PCDHGB6: variants seen among roughly 807,000 people sequenced by gnomAD.
PCDHGB6 encodes protocadherin gamma subfamily B, 6.
A neutral mutation model predicts 59.1 loss-of-function variants in PCDHGB6; 51 were observed. The observed-to-expected ratio is 0.86, with a 90% CI of 0.69 to 1.09. PCDHGB6 has a LOEUF of 1.09. Ranked by LOEUF, PCDHGB6 falls within the 50% of genes least tolerant of loss-of-function variation. The pLI is 0.00. For missense variants in PCDHGB6, 1,148 were observed against 1,205.1 expected, an observed-to-expected ratio of 0.95 and a Z score of 0.70; for synonymous variants, 466 against 495.1, an observed-to-expected ratio of 0.94 and a Z score of 0.78.
chr5:141,484,958 G>C (rs2099604320), intron 1 of PCDHGB6: 1 of 575,756 alleles, frequency 1.7e-6, no homozygotes, highest in Non-Finnish European at 3.1e-6. Flanking sequence ...TATTGGCTGA[G>C]CCCGGGAGCC....
Position 141,511,072 on chromosome 5 carries a change from A to C in PCDHGB6, c.2692A>C (p.Ser898Arg). The C allele has an allele frequency of 6.2e-7, 1 of 1,614,252 alleles. No individual in the cohort carries two copies. Among genetic ancestry groups the C allele is most frequent in the Non-Finnish European group, 8.5e-7 (1 of 1,180,034 alleles). Residue 898 changes from serine to arginine, a missense_variant, in exon 4 of 4, where the codon AGC (serine) becomes CGC (arginine). Ser to Arg is a moderately radical substitution (Grantham distance 110). This residue lies in a region of PCDHGB6 where 283 missense variants were observed against 318.6 expected (regional missense o/e 0.89). Coordinates refer to ENST00000520790, the MANE Select transcript of PCDHGB6 (RefSeq NM_018926.3). ...CCGCCAGAATGTCTACATCCCAGGC[A>C]GCAATGCCACACTGACCAACGCAGC... ...DYRQNVYIPG[S>R]NATLTNAAGK...
intron 1 of PCDHGB6, chr5:141,414,831 G>C: frequency 4.3e-6 from 7 of 1,614,212 alleles, no homozygotes; most frequent in Non-Finnish European, 5.9e-6. Flanking sequence ...ACGTGTCGTT[G>C]AGCCTGTTTG....
chr5:141,422,744 T>C, intron 1 of PCDHGB6: 1 of 1,610,696 alleles, frequency 6.2e-7, no homozygotes, highest in Non-Finnish European at 8.5e-7. Flanking sequence ...TCCTCCTATG[T>C]CTCTATTAAC....
In PCDHGB6 at chr5:141,482,843, G is replaced by T. The variant is rs1005014887; in HGVS notation, c.2419-11964G>T. On this transcript the variant is annotated intron_variant, in intron 1 of 3. Transcript: ENST00000520790. ...TCCTAGCACTTTGGGAGGCCAAGGT[G>T]GGCAGATCACTTGAGGTCAGGAGTT... Among the ~76,000 whole-genome samples the T allele has an allele frequency of 4.3e-5, 6 of 140,152 alleles. No homozygotes were observed. The South Asian group carries it at 8.6e-4, about 20-fold the overall frequency. 91.9% of individuals were successfully genotyped at this position (140,152 alleles called of 152,430 possible).
rs746968245 is a variant in PCDHGB6, at chr5:141,489,575, A to AC, written c.2419-5227dup. 2 of 1,613,788 alleles carry AC rather than the reference A, an allele frequency of 1.2e-6. No homozygotes were observed. Among genetic ancestry groups the AC allele is most frequent in the Non-Finnish European group, 1.7e-6 (2 of 1,179,960 alleles). On this transcript the variant is annotated intron_variant, in intron 1 of 3. Coordinates refer to ENST00000520790, the MANE Select transcript of PCDHGB6 (RefSeq NM_018926.3). The surrounding 1 kb of genome is among the most constrained non-coding windows in gnomAD (Gnocchi z 4.5). ...CTGCCAGTGCAGGTGGTGACTGAACACCCCCTGGAGCTAATCCGTGTAGAG... is the reference window on the plus strand; with the variant it reads ...CTGCCAGTGCAGGTGGTGACTGAACACCCCCCTGGAGCTAATCCGTGTAGAG...
At position 141,409,906 on chromosome 5, in the gene PCDHGB6, T is replaced by G. The variant is rs779572711; in HGVS notation, c.1704T>G (p.Gly568=). The change falls in exon 1 of 4, where the codon GGT becomes GGG. Residue 568 remains glycine (G), a synonymous_variant. Transcript: ENST00000520790. ...NAPRVLYPAL[G]PDGSAFFDMV... is the part of the protein sequence containing the mutation. ...CGCGGGTGCTGTACCCAGCTCTGGG[T>G]CCTGACGGCTCCGCGTTCTTCGATA... 2 of 1,613,096 alleles carry G rather than the reference T, an allele frequency of 1.2e-6. No homozygotes were observed. Among genetic ancestry groups the G allele is most frequent in the African/African-American group, 2.7e-5 (2 of 74,898 alleles).
At chr5:141,498,338 G>A (rs2237079) in intron 2 of PCDHGB6, among the ~76,000 whole-genome samples, 68,665 of 151,630 alleles carry the variant, frequency 0.45, 15,766 homozygotes, top group Admixed American at 0.55. Flanking sequence ...CATTCCAAAT[G>A]GGAAAAGCCT....
intron 1 of PCDHGB6, among the ~76,000 whole-genome samples, chr5:141,437,339 T>A (rs1008090968): frequency 3.3e-5 from 5 of 152,262 alleles, no homozygotes; most frequent in Non-Finnish European, 7.3e-5. Context: ...GTAGCTTCAC[T>A]GTTTTATAGT....
At chr5:141,472,980 C>CAAAAAAAAAAAAAAAAAAAAAAAA (rs60579131) in intron 1 of PCDHGB6, among the ~76,000 whole-genome samples, 7 of 86,078 alleles carry the variant, frequency 8.1e-5, no homozygotes, top group African/African-American at 1.9e-4. Context: ...GAGTGAAACT[C>CAAAAAAAAAAAAAAAAAAAAAAAA]AAAAAAAAAA....
Position 141,431,826 on chromosome 5 carries a change from TTCCCGAAAACTC to T in PCDHGB6, c.2418+21211_2418+21222del, listed in dbSNP as rs755346532. ...GTCCTCACCTCTCTCGCCAGCTCGGTTCCCGAAAACTCTCCCAGAGGGACATTAATTGCCCTT... is the reference window on the plus strand; with the variant it reads ...GTCCTCACCTCTCTCGCCAGCTCGGTTCCCAGAGGGACATTAATTGCCCTT... On this transcript the variant is annotated intron_variant, in intron 1 of 3. Transcript: ENST00000520790. The surrounding 1 kb of genome is among the most constrained non-coding windows in gnomAD (Gnocchi z 4.8). The T allele has an allele frequency of 4.3e-6, 7 of 1,614,102 alleles. No individual in the cohort carries two copies. Among genetic ancestry groups the T allele is most frequent in the Admixed American group, 1.7e-5 (1 of 60,006 alleles).
rs1596285501 is a variant in PCDHGB6, at chr5:141,510,367, C to A, written c.2567-580C>A. Among the ~76,000 whole-genome samples the A allele has an allele frequency of 5.0e-5, 7 of 140,362 alleles. 1 individual carries two copies. In the South Asian group the frequency reaches 1.6e-3, roughly 31 times the overall value. The allele number at this position is 140,362 out of a possible 152,430, so 92.1% of individuals were successfully genotyped here. A position where few individuals can be genotyped will look rare whatever the true frequency, so the allele number is the denominator to read the frequency against. On this transcript the variant is annotated intron_variant, in intron 3 of 3. Transcript: ENST00000520790. ...ACACTTACTAACGGAACTACCGAAT[C>A]TCTACTCGTGCCAGGCCTTGCTTGG...
Position 141,431,010 on chromosome 5 carries a change from T to G in PCDHGB6, c.2418+20390T>G. 2 of 1,613,972 alleles carry G rather than the reference T, an allele frequency of 1.2e-6. No individual in the cohort carries two copies. The highest frequency in any genetic ancestry group is 1.7e-6 in the Non-Finnish European group (2 of 1,179,964). The stretch of plus-strand genomic sequence containing the variant: ...GCCCTGAATCCGCGCAGCGGCAGCT[T>G]GGTCACGGCGGGCAGGATAGACCGG... On this transcript the variant is annotated intron_variant, in intron 1 of 3. Transcript: ENST00000520790. The surrounding 1 kb of genome is among the most constrained non-coding windows in gnomAD (Gnocchi z 4.8).
chr5:141,470,778 C>A (rs1047167697), intron 1 of PCDHGB6, among the ~76,000 whole-genome samples: 1 of 152,132 alleles, frequency 6.6e-6, no homozygotes, highest in African/African-American at 2.4e-5. Context: ...GTCTTGAATT[C>A]CTGGGCTCAA....
intron 1 of PCDHGB6, among the ~76,000 whole-genome samples, chr5:141,456,621 G>T (rs6885794): frequency 0.55 from 83,339 of 152,038 alleles, 25,195 homozygotes; most frequent in African/African-American, 0.82. Context: ...CTGTAGATTT[G>T]CCTCTTCTTT....
Position 141,417,921 on chromosome 5 carries a change from T to G in PCDHGB6, c.2418+7301T>G, listed in dbSNP as rs771406905. 7.5e-6 allele frequency: 12 copies of G among 1,607,746 alleles called. No homozygotes were observed. The Admixed American group carries it at 1.7e-4, about 23-fold the overall frequency. On this transcript the variant is annotated intron_variant, in intron 1 of 3. Transcript: ENST00000520790. ...CCGCGGCAGGTACTATTTCCTTTGC[T>G]GCTGCCTTTGTTCTACCCCACGCTG...
chr5:141,490,585 G>C lies in PCDHGB6; in HGVS notation c.2419-4222G>C. On this transcript the variant is annotated intron_variant, in intron 1 of 3. Transcript: ENST00000520790. The surrounding 1 kb of genome is among the most constrained non-coding windows in gnomAD (Gnocchi z 5.4). Reference sequence around the variant, plus strand: ...CAGGCTCAACATTTCAGATGTCAATGACAATGCACCCCGCTTCAACCAGCA... The same window carrying C: ...CAGGCTCAACATTTCAGATGTCAATCACAATGCACCCCGCTTCAACCAGCA... The C allele has an allele frequency of 6.2e-7, 1 of 1,614,142 alleles. No homozygotes were observed. Among genetic ancestry groups the C allele is most frequent in the South Asian group, 1.1e-5 (1 of 91,078 alleles).
rs112808093 is a variant in PCDHGB6, at chr5:141,489,579, C to T, written c.2419-5228C>T. On this transcript the variant is annotated intron_variant, in intron 1 of 3. Transcript: ENST00000520790. The surrounding 1 kb of genome is among the most constrained non-coding windows in gnomAD (Gnocchi z 4.5). ...CAGTGCAGGTGGTGACTGAACACCC[C>T]CTGGAGCTAATCCGTGTAGAGGTAG... is the stretch of plus-strand genomic sequence containing the variant. 211 of 1,614,038 alleles carry T rather than the reference C, an allele frequency of 1.3e-4. 1 individual carries two copies. In the African/African-American group the frequency reaches 1.7e-3, roughly 13 times the overall value.
chr5:141,471,658 G>T (rs1354815239), intron 1 of PCDHGB6: 1 of 152,106 alleles, frequency 6.6e-6, no homozygotes, highest in Admixed American at 6.5e-5. Flanking sequence ...ATGTGGGGAT[G>T]CAGAAAAAAA....
intron 1 of PCDHGB6, among the ~76,000 whole-genome samples, chr5:141,451,134 T>C (rs567790185): frequency 9.9e-5 from 15 of 152,254 alleles, no homozygotes; most frequent in African/African-American, 3.6e-4. Context: ...AGCCTTATGA[T>C]TGTATTTAGA....
Sources: gnomAD v4.1 joint callset for allele counts (sites outside exome capture counted in the v4.1 genomes callset) on GRCh38, gnomAD v4.1.1 for gene constraint, gnomAD v4.1.1 regional missense constraint, Gnocchi (gnomAD v3.1) non-coding constraint, MANE v1.5 for transcripts, NCBI Gene and HGNC (gene_info 2026-07-23, HGNC 2026-07-21) for gene names.